Variants in PAXIP1 observed in about 807,000 individuals in gnomAD.
PAXIP1 encodes PAX interacting protein 1.
In PAXIP1, 19 loss-of-function variants were observed where a neutral mutation model predicts 140.6. The ratio of observed to expected loss-of-function variants is 0.14; its 90% CI spans 0.09 to 0.20. The LOEUF is 0.20. PAXIP1 is among the 10% of genes least tolerant of loss of function. The pLI, the probability that PAXIP1 is intolerant of heterozygous loss-of-function variation, is 1.00. For missense variants in PAXIP1, 920 were observed against 1,208.6 expected, an observed-to-expected ratio of 0.76 and a Z score of 3.54; for synonymous variants, 442 against 444.6, an observed-to-expected ratio of 0.99 and a Z score of 0.07.
intron 2 of PAXIP1, among the ~76,000 whole-genome samples, chr7:154,994,061 G>A (rs1379499156): frequency 6.6e-6 from 1 of 152,046 alleles, no homozygotes; most frequent in African/African-American, 2.4e-5. Flanking sequence ...ATTTAGGACA[G>A]GGGAACTGCC....
rs778117509 is a variant in PAXIP1, at chr7:154,993,731, A to G, written c.255T>C (p.Leu85=). 1.3e-6 allele frequency: 2 copies of G among 1,593,272 alleles called. No homozygotes were observed. The highest frequency in any genetic ancestry group is 2.3e-5 in the South Asian group (2 of 87,142). Residue 85 remains leucine (L), a synonymous_variant, in exon 3 of 21, where the codon CTT becomes CTC. Coordinates refer to ENST00000404141, the MANE Select transcript of PAXIP1 (RefSeq NM_007349.4). ...WVILSVQCGT[L]LPVNGFSPES... Reference sequence around the variant, plus strand: ...CCACTCAAAAAAAAGGATACGGCAGAAGAGTTCCACACTGAACGGACAGAA... The same window carrying G: ...CCACTCAAAAAAAAGGATACGGCAGGAGAGTTCCACACTGAACGGACAGAA...
intron 2 of PAXIP1, among the ~76,000 whole-genome samples, chr7:154,998,235 C>G (rs752534391): frequency 6.6e-6 from 1 of 152,174 alleles, no homozygotes; most frequent in African/African-American, 2.4e-5. Flanking sequence ...AGGGCCAGCA[C>G]GGTGGCTCAT....
intron 5 of PAXIP1, among the ~76,000 whole-genome samples, chr7:154,979,957 G>A (rs549001403): frequency 2.4e-4 from 36 of 152,190 alleles, no homozygotes; most frequent in African/African-American, 8.4e-4. Flanking sequence ...TGAAACTAAC[G>A]CAGTGACACT....
At chr7:154,968,274 G>T in intron 7 of PAXIP1, 129 bp downstream of exon 7, 1 of 733,326 alleles carries the variant, frequency 1.4e-6, no homozygotes. Context: ...TGTTAGGTAT[G>T]AGACTCACAC....
In PAXIP1 at chr7:154,954,578, G is replaced by A. The variant is rs938403418; in HGVS notation, c.2653-155C>T. ...CAGTGTGACAGGTAAAACAAAACCT[G>A]TAACTACAAGAGAAAAATAAAAAAG... is the stretch of plus-strand genomic sequence containing the variant. On this transcript the variant is annotated intron_variant, in intron 15 of 20. Coordinates refer to ENST00000404141, the MANE Select transcript of PAXIP1 (RefSeq NM_007349.4). The surrounding 1 kb of genome is among the most constrained non-coding windows in gnomAD (Gnocchi z 5.1). Among the ~76,000 whole-genome samples the A allele has an allele frequency of 7.2e-5, 11 of 152,202 alleles. No homozygotes were observed. Among genetic ancestry groups the A allele is most frequent in the Non-Finnish European group, 1.6e-4 (11 of 68,038 alleles).
intron 8 of PAXIP1, among the ~76,000 whole-genome samples, chr7:154,966,005 T>C (rs1428402144): frequency 1.3e-5 from 2 of 152,202 alleles, no homozygotes; most frequent in Non-Finnish European, 2.9e-5. Flanking sequence ...GCGTTTCCCT[T>C]TACCTCCATC....
chr7:154,990,935 T>C, intron 4 of PAXIP1, 71 bp downstream of exon 4: 1 of 898,422 alleles, frequency 1.1e-6, no homozygotes, highest in Non-Finnish European at 1.7e-6. Flanking sequence ...TAACAGGTCA[T>C]AAATCCAACC....
chr7:154,995,065 C>A (rs1263421825), intron 2 of PAXIP1, among the ~76,000 whole-genome samples: 4 of 152,162 alleles, frequency 2.6e-5, no homozygotes, highest in African/African-American at 9.7e-5. Flanking sequence ...ACCCAGAAAC[C>A]CCTCTCTCCT....
chr7:154,977,998 C>A (rs1231591650), intron 5 of PAXIP1, among the ~76,000 whole-genome samples: 1 of 129,832 alleles, frequency 7.7e-6, no homozygotes, highest in Non-Finnish European at 1.5e-5. Flanking sequence ...AAATTAGAGA[C>A]TAGTGGAATA....
chr7:154,995,344 C>G (rs1213995690), intron 2 of PAXIP1, among the ~76,000 whole-genome samples: 2 of 152,174 alleles, frequency 1.3e-5, no homozygotes, highest in Admixed American at 6.6e-5. Flanking sequence ...ATATCTCCCC[C>G]CAGGGAGCTT....
At chr7:154,969,252 G>T in intron 6 of PAXIP1, 126 bp from the exon 7 acceptor site, 1 of 988,810 alleles carries the variant, frequency 1.0e-6, no homozygotes, top group Non-Finnish European at 1.4e-6. Context: ...CACAGCAAAT[G>T]ATTGGAAACT....
At position 154,986,637 on chromosome 7, in the gene PAXIP1, A is replaced by C. The variant is rs1810090119; in HGVS notation, c.325-3305T>G. On this transcript the variant is annotated intron_variant, in intron 4 of 20. Coordinates refer to ENST00000404141, the MANE Select transcript of PAXIP1 (RefSeq NM_007349.4). The surrounding 1 kb of genome is among the most constrained non-coding windows in gnomAD (Gnocchi z 4.8). Reference sequence around the variant, plus strand: ...GCAACCACAAAATATTAGTGCTCCCAATGCACTTTTCTTAAACTACAATTT... The same window carrying C: ...GCAACCACAAAATATTAGTGCTCCCCATGCACTTTTCTTAAACTACAATTT... Among the ~76,000 whole-genome samples, 1 of 152,222 alleles carries C rather than the reference A, an allele frequency of 6.6e-6. No homozygotes were observed. The highest frequency in any genetic ancestry group is 1.5e-5 in the Non-Finnish European group (1 of 68,032).
At chr7:154,972,006 T>G (rs937439863) in intron 6 of PAXIP1, among the ~76,000 whole-genome samples, 1 of 152,200 alleles carries the variant, frequency 6.6e-6, no homozygotes, top group African/African-American at 2.4e-5. Flanking sequence ...CCTTCTCAGT[T>G]TTCCACCGCT....
At chr7:154,995,624 C>G (rs577599745) in intron 2 of PAXIP1, among the ~76,000 whole-genome samples, 1 of 152,140 alleles carries the variant, frequency 6.6e-6, no homozygotes, top group Non-Finnish European at 1.5e-5. Context: ...CCAAGGCGGG[C>G]GGATCACTTG....
Position 154,963,588 on chromosome 7 carries a change from AAAT to A in PAXIP1, c.1989+80_1989+82del. On this transcript the variant is annotated intron_variant, in intron 9 of 20. Coordinates refer to ENST00000404141, the MANE Select transcript of PAXIP1 (RefSeq NM_007349.4). This position sits in a 1 kb window ranked among gnomAD's most constrained non-coding sequence, Gnocchi z 4.1. The stretch of plus-strand genomic sequence containing the variant: ...AGAGGTAGAAAAAAGTTCTTTCCAA[AAAT>A]AATAATCACTAGCATTTAAGATTGC... 1.1e-6 allele frequency: 1 copy of A among 947,904 alleles called. No homozygotes were observed. The highest frequency in any genetic ancestry group is 2.3e-5 in the Admixed American group (1 of 44,282). The allele number at this position is 947,904 out of a possible 1,614,324, so 58.7% of individuals were successfully genotyped here. A position where few individuals can be genotyped will look rare whatever the true frequency, so the allele number is the denominator to read the frequency against.
chr7:154,960,129 G>T (rs772345754), intron 12 of PAXIP1, among the ~76,000 whole-genome samples, 196 bp from the exon 13 acceptor site: 2 of 152,160 alleles, frequency 1.3e-5, no homozygotes, highest in African/African-American at 2.4e-5. Context: ...TGCTGCTTTC[G>T]TTTCACATGC....
In PAXIP1 at chr7:154,954,289, C is replaced by A; in HGVS notation, c.2787G>T (p.Trp929Cys). Residue 929 changes from tryptophan to cysteine, a missense_variant, in exon 16 of 21, where the codon TGG becomes TGT. This residue lies in a region of PAXIP1 where 303 missense variants were observed against 517.9 expected (regional missense o/e 0.59). Transcript: ENST00000404141. The surrounding 1 kb of genome is among the most constrained non-coding windows in gnomAD (Gnocchi z 5.1). ...SVVKHIVTPE[W>C]LEECFRCQKF... is the part of the protein sequence containing the mutation. Reference sequence around the variant, plus strand: ...TCTGACACCTGAAGCATTCTTCCAGCCACTCTGGCGTCACTATGTGCTTCA... The same window carrying A: ...TCTGACACCTGAAGCATTCTTCCAGACACTCTGGCGTCACTATGTGCTTCA... 6.3e-7 allele frequency: 1 copy of A among 1,584,848 alleles called. No homozygotes were observed. The highest frequency in any genetic ancestry group is 1.1e-5 in the South Asian group (1 of 88,198).
rs1325064836 is a variant in PAXIP1, at chr7:155,003,073, C to T, written c.-144G>A. 5 of 202,956 alleles carry T rather than the reference C, an allele frequency of 2.5e-5. No individual in the cohort carries two copies. Among genetic ancestry groups the T allele is most frequent in the Admixed American group, 6.8e-5 (1 of 14,694 alleles). The allele number at this position is 202,956 out of a possible 1,614,324, so 12.6% of individuals were successfully genotyped here. On this transcript the variant is annotated 5_prime_UTR_variant, in exon 1 of 21. Coordinates refer to ENST00000404141, the MANE Select transcript of PAXIP1 (RefSeq NM_007349.4). ...GGGCCCGGTCCTGCGAATCGGGGTCCGCTCCCCCGCCCTCCGCGCCCCCGC... is the reference window on the plus strand; with the variant it reads ...GGGCCCGGTCCTGCGAATCGGGGTCTGCTCCCCCGCCCTCCGCGCCCCCGC...
At chr7:154,980,248 GT>G (rs914863007) in intron 5 of PAXIP1, among the ~76,000 whole-genome samples, 1,520 of 148,604 alleles carry the variant, frequency 0.01, 16 homozygotes, top group African/African-American at 0.025. Context: ...AAGTTAGTCA[GT>G]TTTTTTTTTA....
Sources: allele counts gnomAD v4.1 joint callset (sites outside exome capture counted in the v4.1 genomes callset), GRCh38; gene constraint gnomAD v4.1.1; regional missense constraint gnomAD v4.1.1; non-coding constraint Gnocchi (gnomAD v3.1); transcripts MANE v1.5; gene names NCBI Gene and HGNC (gene_info 2026-07-23, HGNC 2026-07-21).